Variants in COX7B2 observed in about 807,000 individuals in gnomAD.
COX7B2 encodes the protein cytochrome c oxidase subunit 7B2, also known as cytochrome c oxidase subunit 7B2, mitochondrial.
For synonymous variants in COX7B2, 37 were observed against 32.1 expected (o/e 1.15, Z -0.51); for missense variants, 109 against 95.9 (o/e 1.14, Z -0.57).
intron 2 of COX7B2, among the ~76,000 whole-genome samples, chr4:46,820,898 A>G (rs977610415): frequency 6.6e-6 from 1 of 151,522 alleles, no homozygotes; most frequent in Non-Finnish European, 1.5e-5. Context: ...TACCTCAAAA[A>G]GTAATCCAAT....
At chr4:46,852,563 T>TACACACAC (rs113148039) in intron 1 of COX7B2, among the ~76,000 whole-genome samples, 6 of 145,692 alleles carry the variant, frequency 4.1e-5, no homozygotes, top group African/African-American at 1.5e-4. Flanking sequence ...AATACACAAA[T>TACACACAC]ACACACACAC....
At position 46,895,769 on chromosome 4, in the gene COX7B2, C is replaced by T. The variant is rs1401569962; in HGVS notation, c.-105+13391G>A. 2.0e-5 allele frequency among the ~76,000 whole-genome samples: 3 copies of T among 151,008 alleles called. No individual in the cohort carries two copies. The East Asian group carries it at 5.8e-4, about 29-fold the overall frequency. Reference sequence around the variant, plus strand: ...TACACATTGTTTTGTATTTTTAAGGCCCCCCCCAAATTGTATAATCTTCCA... The same window carrying T: ...TACACATTGTTTTGTATTTTTAAGGTCCCCCCCAAATTGTATAATCTTCCA... On this transcript the variant is annotated intron_variant, in intron 1 of 2. Coordinates refer to ENST00000355591, the MANE Select transcript of COX7B2 (RefSeq NM_130902.3).
rs547260446 is a variant in COX7B2 at position 46,754,284 on chromosome 4, T to C, written c.-49-19043A>G. ...CACACGTATGTTTATTGCAGCACTA[T>C]TCACAATAGCAAAGACTTGGAACCA... On this transcript the variant is annotated intron_variant, in intron 2 of 2. Coordinates refer to ENST00000355591, the MANE Select transcript of COX7B2 (RefSeq NM_130902.3). Among the ~76,000 whole-genome samples, 456 of 151,438 alleles carry C rather than the reference T, an allele frequency of 3.0e-3. 4 individuals carry two copies. The highest frequency in any genetic ancestry group is 0.01 in the African/African-American group (432 of 41,244).
intron 2 of COX7B2, among the ~76,000 whole-genome samples, chr4:46,813,041 A>C (rs545704692): frequency 1.2e-3 from 181 of 152,200 alleles, no homozygotes; most frequent in African/African-American, 4.1e-3. Flanking sequence ...CACAGTTAAA[A>C]GGCTCCAGGT....
intron 1 of COX7B2, among the ~76,000 whole-genome samples, chr4:46,868,508 T>C (rs1280277551): frequency 1.3e-5 from 2 of 152,204 alleles, no homozygotes; most frequent in Non-Finnish European, 2.9e-5. Flanking sequence ...TGGGCATTAG[T>C]CCTATAAATT....
intron 2 of COX7B2, among the ~76,000 whole-genome samples, chr4:46,803,350 G>T (rs1429616450): frequency 6.6e-6 from 1 of 151,986 alleles, no homozygotes; most frequent in East Asian, 1.9e-4. Context: ...TAGAAACAGG[G>T]TTGCCAGATA....
intron 2 of COX7B2, among the ~76,000 whole-genome samples, chr4:46,838,495 G>A (rs903372373): frequency 2.0e-5 from 3 of 152,002 alleles, no homozygotes; most frequent in African/African-American, 7.2e-5. Context: ...TTGGACTTGT[G>A]CCAAAGAAAA....
At chr4:46,742,067 T>TG (rs1714749293) in intron 2 of COX7B2, among the ~76,000 whole-genome samples, 1 of 152,110 alleles carries the variant, frequency 6.6e-6, no homozygotes, top group Non-Finnish European at 1.5e-5. Flanking sequence ...TCTACTACCA[T>TG]GGTAATTTAG....
At chr4:46,824,852 C>T (rs944870481) in intron 2 of COX7B2, among the ~76,000 whole-genome samples, 2 of 152,000 alleles carry the variant, frequency 1.3e-5, no homozygotes, top group African/African-American at 4.8e-5. Flanking sequence ...AAAAAACTCT[C>T]AATAACCTAG....
rs77814509 is a variant in COX7B2 at position 46,799,884 on chromosome 4, C to T, written c.-50+45076G>A. 7.8e-3 allele frequency among the ~76,000 whole-genome samples: 1,180 copies of T among 152,084 alleles called. 13 individuals are homozygous for T. The highest frequency in any genetic ancestry group is 0.027 in the African/African-American group (1,110 of 41,482). ...TCATAAAATAAGTTAGGGAGGAGTC[C>T]CTTATCCTCAATTTTTGGAATAATT... On this transcript the variant is annotated intron_variant, in intron 2 of 2. Coordinates refer to ENST00000355591, the MANE Select transcript of COX7B2 (RefSeq NM_130902.3).
chr4:46,895,667 A>G (rs1719717140), intron 1 of COX7B2, among the ~76,000 whole-genome samples: 1 of 152,102 alleles, frequency 6.6e-6, no homozygotes, highest in Non-Finnish European at 1.5e-5. Flanking sequence ...AGTATTAGGA[A>G]GTTAATTAGA....
chr4:46,862,866 T>C lies in COX7B2; in HGVS notation c.-104-17852A>G, dbSNP rs566907673. ...TAGGTAAGTGTAATGAGATAAATGC[T>C]TGTAAGTGAACTTTTTGTATAGCTT... On this transcript the variant is annotated intron_variant, in intron 1 of 2. Transcript: ENST00000355591. Among the ~76,000 whole-genome samples, 17 of 152,308 alleles carry C rather than the reference T, an allele frequency of 1.1e-4. No individual in the cohort carries two copies. The South Asian group carries it at 3.3e-3, about 30-fold the overall frequency.
At chr4:46,790,286 T>C (rs1482235633) in intron 2 of COX7B2, among the ~76,000 whole-genome samples, 1 of 152,198 alleles carries the variant, frequency 6.6e-6, no homozygotes, top group Non-Finnish European at 1.5e-5. Flanking sequence ...TAACAGTTTG[T>C]ATGCTAAATG....
In COX7B2 at chr4:46,774,112, G is replaced by A. The variant is rs184760980; in HGVS notation, c.-49-38871C>T. On this transcript the variant is annotated intron_variant, in intron 2 of 2. Transcript: ENST00000355591. ...TCCGTGATTCTGTTTCAGTCAAGAT[G>A]TTCACGCTTTTGATATTTTCAATAA... 3.0e-4 allele frequency among the ~76,000 whole-genome samples: 45 copies of A among 152,246 alleles called. No individual in the cohort carries two copies. In the East Asian group the frequency reaches 8.1e-3, roughly 27 times the overall value.
At chr4:46,742,293 T>A (rs1055405435) in intron 2 of COX7B2, among the ~76,000 whole-genome samples, 1 of 152,148 alleles carries the variant, frequency 6.6e-6, no homozygotes, top group Non-Finnish European at 1.5e-5. Flanking sequence ...ACTCTTCTTT[T>A]TACAGCTTCA....
chr4:46,749,582 A>G (rs1715225057), intron 2 of COX7B2, among the ~76,000 whole-genome samples: 1 of 152,212 alleles, frequency 6.6e-6, no homozygotes, highest in Non-Finnish European at 1.5e-5. Context: ...TTTACAGTGT[A>G]AGGATTGTTA....
intron 1 of COX7B2, among the ~76,000 whole-genome samples, chr4:46,868,994 T>C (rs1717830102): frequency 6.6e-6 from 1 of 152,194 alleles, no homozygotes; most frequent in African/African-American, 2.4e-5. Context: ...ATTATTACTA[T>C]GTGGGAGTCT....
intron 2 of COX7B2, among the ~76,000 whole-genome samples, chr4:46,821,254 C>A (rs1192367632): frequency 2.6e-5 from 4 of 152,146 alleles, no homozygotes; most frequent in African/African-American, 9.7e-5. Context: ...TTCAGTCACT[C>A]TCATCAAAGA....
chr4:46,776,013 A>G (rs1482342549), intron 2 of COX7B2, among the ~76,000 whole-genome samples: 2 of 152,190 alleles, frequency 1.3e-5, no homozygotes, highest in East Asian at 1.9e-4. Context: ...ATATTTATCT[A>G]AAGATATATT....
Sources: allele counts gnomAD v4.1 joint callset (sites outside exome capture counted in the v4.1 genomes callset), GRCh38; gene constraint gnomAD v4.1.1; transcripts MANE v1.5; gene names NCBI Gene and HGNC (gene_info 2026-07-23, HGNC 2026-07-21).